The following NXPH1 variants were observed in gnomAD, a reference collection of about 807,000 sequenced individuals.
The protein encoded by NXPH1 is neurexophilin 1, also known as neurexophilin-1.
NXPH1 carries 5 observed loss-of-function variants against 23.7 expected under a neutral mutation model. That is an observed-to-expected ratio of 0.21 (90% CI 0.11 to 0.44). NXPH1 has a LOEUF of 0.44. Ranked by LOEUF, NXPH1 falls within the 20% of genes least tolerant of loss-of-function variation. The pLI is 0.99. For missense variants in NXPH1, 324 were observed against 321.6 expected (o/e 1.01, Z -0.06); for synonymous variants, 144 against 122.2 (o/e 1.18, Z -1.18).
At chr7:8,512,755 T>A (rs1817631502) in intron 2 of NXPH1, among the ~76,000 whole-genome samples, 1 of 152,148 alleles carries the variant, frequency 6.6e-6, no homozygotes, top group Admixed American at 6.5e-5. Flanking sequence ...CATAATAAAG[T>A]GTTTTCTCCC....
At chr7:8,499,040 C>G (rs1265279953) in intron 2 of NXPH1, among the ~76,000 whole-genome samples, 1 of 152,026 alleles carries the variant, frequency 6.6e-6, no homozygotes, top group Non-Finnish European at 1.5e-5. Flanking sequence ...ACAGATTCTA[C>G]ATAGTGTAAA....
intron 2 of NXPH1, among the ~76,000 whole-genome samples, chr7:8,575,158 A>G (rs546050850): frequency 1.5e-4 from 23 of 152,268 alleles, no homozygotes; most frequent in Non-Finnish European, 1.5e-4. Flanking sequence ...CTCAGAATGA[A>G]TTTTTGCTTA....
At chr7:8,675,894 C>G (rs1398061165) in intron 2 of NXPH1, among the ~76,000 whole-genome samples, 1 of 152,078 alleles carries the variant, frequency 6.6e-6, no homozygotes, top group Non-Finnish European at 1.5e-5. Context: ...CACGGACACC[C>G]ATTTCCATCT....
At chr7:8,650,579 T>C (rs760797752) in intron 2 of NXPH1, among the ~76,000 whole-genome samples, 1 of 152,236 alleles carries the variant, frequency 6.6e-6, no homozygotes, top group Non-Finnish European at 1.5e-5. Context: ...CTGGTATTCT[T>C]GCAGCTTTCT....
chr7:8,465,205 A>C (rs181454191), intron 2 of NXPH1, among the ~76,000 whole-genome samples: 80 of 152,370 alleles, frequency 5.3e-4, no homozygotes, highest in African/African-American at 1.9e-3. Context: ...ATGGAGAAGT[A>C]TGGGTAAAAT....
intron 2 of NXPH1, among the ~76,000 whole-genome samples, chr7:8,443,912 C>A (rs1455230531): frequency 6.6e-6 from 1 of 152,166 alleles, no homozygotes; most frequent in Non-Finnish European, 1.5e-5. Flanking sequence ...ACAACGTTGC[C>A]CTACCTCCCT....
chr7:8,665,127 T>C (rs1287479760), intron 2 of NXPH1, among the ~76,000 whole-genome samples: 1 of 152,102 alleles, frequency 6.6e-6, no homozygotes, highest in African/African-American at 2.4e-5. Context: ...TCCCCTATGT[T>C]TCCTTCCAGT....
At chr7:8,534,504 C>A (rs1817997884) in intron 2 of NXPH1, among the ~76,000 whole-genome samples, 1 of 152,034 alleles carries the variant, frequency 6.6e-6, no homozygotes, top group Admixed American at 6.6e-5. Context: ...TGCTGGGTAG[C>A]TAAAGGGATA....
At chr7:8,493,355 C>T (rs890073530) in intron 2 of NXPH1, among the ~76,000 whole-genome samples, 2 of 152,004 alleles carry the variant, frequency 1.3e-5, no homozygotes, top group African/African-American at 4.8e-5. Context: ...AGGGTTCAAA[C>T]TCAGTACTTC....
chr7:8,750,669 A>G (rs1780547904), intron 2 of NXPH1, among the ~76,000 whole-genome samples: 1 of 152,190 alleles, frequency 6.6e-6, no homozygotes, highest in African/African-American at 2.4e-5. Context: ...CTTTTCTTCC[A>G]TTAACCAGTG....
chr7:8,684,966 A>G (rs887716953), intron 2 of NXPH1, among the ~76,000 whole-genome samples: 2 of 152,256 alleles, frequency 1.3e-5, no homozygotes, highest in South Asian at 4.1e-4. Context: ...GTTGCACTGT[A>G]TAACTACATT....
chr7:8,571,696 G>T (rs1231745029), intron 2 of NXPH1, among the ~76,000 whole-genome samples: 1 of 151,906 alleles, frequency 6.6e-6, no homozygotes, highest in African/African-American at 2.4e-5. Flanking sequence ...TTTTGAGCTT[G>T]TAAAGTCAAA....
chr7:8,652,244 C>T (rs1820502277), intron 2 of NXPH1, among the ~76,000 whole-genome samples: 1 of 152,076 alleles, frequency 6.6e-6, no homozygotes, highest in Non-Finnish European at 1.5e-5. Context: ...CACCTTTAAT[C>T]TGCCTGCCAA....
At chr7:8,458,472 G>A (rs567844105) in intron 2 of NXPH1, among the ~76,000 whole-genome samples, 1 of 152,248 alleles carries the variant, frequency 6.6e-6, no homozygotes, top group African/African-American at 2.4e-5. Flanking sequence ...AAGTACTTTG[G>A]AGTTAATTTA....
chr7:8,591,856 T>A (rs898793460), intron 2 of NXPH1, among the ~76,000 whole-genome samples: 3 of 151,700 alleles, frequency 2.0e-5, no homozygotes, highest in African/African-American at 7.2e-5. Flanking sequence ...CTTTTTTTTT[T>A]TTTTTGATAG....
intron 2 of NXPH1, among the ~76,000 whole-genome samples, chr7:8,519,166 G>T (rs1817731051): frequency 6.6e-6 from 1 of 151,980 alleles, no homozygotes; most frequent in South Asian, 2.1e-4. Flanking sequence ...ATTTTGCCAA[G>T]AATAGACAAT....
chr7:8,612,443 A>C (rs1186750092), intron 2 of NXPH1, among the ~76,000 whole-genome samples: 1 of 151,980 alleles, frequency 6.6e-6, no homozygotes, highest in African/African-American at 2.4e-5. Context: ...CTCAAGAGAC[A>C]CTTGATTAAA....
At chr7:8,750,138 T>C (rs758950761) in intron 2 of NXPH1, among the ~76,000 whole-genome samples, 46 of 152,206 alleles carry the variant, frequency 3.0e-4, no homozygotes, top group Non-Finnish European at 5.6e-4. Flanking sequence ...TAAAAAATTA[T>C]GTCTTATTCA....
intron 2 of NXPH1, among the ~76,000 whole-genome samples, chr7:8,508,906 C>A (rs571682552): frequency 6.6e-6 from 1 of 152,088 alleles, no homozygotes; most frequent in South Asian, 2.1e-4. Context: ...GAGGCGGGCA[C>A]ATTAGAGGAA....
Sources: allele counts gnomAD v4.1 joint callset (sites outside exome capture counted in the v4.1 genomes callset), GRCh38; gene constraint gnomAD v4.1.1; transcripts MANE v1.5; gene names NCBI Gene and HGNC (gene_info 2026-07-23, HGNC 2026-07-21).